PLCG2: variants seen among roughly 807,000 people sequenced by gnomAD.
PLCG2 encodes 1-phosphatidylinositol 4,5-bisphosphate phosphodiesterase gamma-2.
In PLCG2, 69 loss-of-function variants were observed where a neutral mutation model predicts 175.6. The ratio of observed to expected loss-of-function variants is 0.39; its 90% CI spans 0.32 to 0.48. The LOEUF is 0.48. Among genes scored for constraint, PLCG2 ranks in the 20% least tolerant of loss-of-function variants. The pLI, the probability that PLCG2 is intolerant of heterozygous loss-of-function variation, is 0.91. For synonymous variants in PLCG2, 827 were observed against 624.0 expected (o/e 1.33, Z -4.85); for missense variants, 1,798 against 1,650.9 (o/e 1.09, Z -1.54).
At chr16:81,877,541 C>T (rs1907859431) in intron 7 of PLCG2, among the ~76,000 whole-genome samples, 1 of 152,260 alleles carries the variant, frequency 6.6e-6, no homozygotes, top group Non-Finnish European at 1.5e-5. Context: ...GGCAGGGCCA[C>T]ACCCCTCGGA....
At chr16:81,793,079 G>C (rs1037925020) in intron 2 of PLCG2, among the ~76,000 whole-genome samples, 4 of 152,174 alleles carry the variant, frequency 2.6e-5, no homozygotes, top group African/African-American at 9.6e-5. Flanking sequence ...AGGCCCCCTG[G>C]TGAGGACCCC....
rs1555513305 is a variant in PLCG2, at chr16:81,860,174, T to TATTATTATTATTATTA, written c.479+1011_479+1012insATTATTATTATTATTA. 7.0e-3 allele frequency among the ~76,000 whole-genome samples: 679 copies of TATTATTATTATTATTA among 96,534 alleles called. 1 individual carries two copies. The highest frequency in any genetic ancestry group is 0.017 in the South Asian group (50 of 3,012). The allele number at this position is 96,534 out of a possible 152,430, so 63.3% of individuals were successfully genotyped here. The stretch of plus-strand genomic sequence containing the variant: ...TTATTATTATTATTATTATTATTAT[T>TATTATTATTATTATTA]TTTTTTTTTTTTTGTAAAGGTGAAG... On this transcript the variant is annotated intron_variant, in intron 5 of 32. Coordinates refer to ENST00000564138, the MANE Select transcript of PLCG2 (RefSeq NM_002661.5).
At chr16:81,919,376 C>A (rs375649834) in intron 19 of PLCG2, 108 bp from the exon 20 acceptor site, 1 of 799,994 alleles carries the variant, frequency 1.3e-6, no homozygotes, top group Non-Finnish European at 2.1e-6. Context: ...TATTTACCCA[C>A]TTCTCTAAGG....
At chr16:81,832,040 C>G (rs143801660) in intron 2 of PLCG2, among the ~76,000 whole-genome samples, 1 of 152,128 alleles carries the variant, frequency 6.6e-6, no homozygotes, top group African/African-American at 2.4e-5. Context: ...CCTGGGCACT[C>G]GGACACAGTT....
At chr16:81,849,068 A>C (rs2143454730) in intron 2 of PLCG2, among the ~76,000 whole-genome samples, 1 of 152,254 alleles carries the variant, frequency 6.6e-6, no homozygotes, top group Non-Finnish European at 1.5e-5. Flanking sequence ...GGGTGGTGCA[A>C]GGGCTGGGAG....
intron 2 of PLCG2, among the ~76,000 whole-genome samples, chr16:81,825,865 A>G (rs1342489232): frequency 1.3e-5 from 2 of 152,202 alleles, no homozygotes; most frequent in African/African-American, 4.8e-5. Context: ...GAAGACAGAG[A>G]CAAGATGACA....
chr16:81,864,633 G>A (rs571758530), intron 5 of PLCG2, among the ~76,000 whole-genome samples: 2 of 152,342 alleles, frequency 1.3e-5, no homozygotes, highest in South Asian at 4.1e-4. Flanking sequence ...AATATGTGAA[G>A]GGTGCGTGGA....
intron 28 of PLCG2, among the ~76,000 whole-genome samples, chr16:81,938,109 C>T (rs1910792755): frequency 6.6e-6 from 1 of 152,160 alleles, no homozygotes; most frequent in Non-Finnish European, 1.5e-5. Flanking sequence ...GAGGGGAAAC[C>T]TCCTCAAACC....
chr16:81,777,262 A>T (rs1057353599), upstream of PLCG2, among the ~76,000 whole-genome samples: 5 of 152,178 alleles, frequency 3.3e-5, no homozygotes. Context: ...CATTCTGATT[A>T]TATGCAATCT....
chr16:81,907,471 G>A (rs527841064), intron 15 of PLCG2, among the ~76,000 whole-genome samples: 2 of 152,168 alleles, frequency 1.3e-5, no homozygotes, highest in African/African-American at 4.8e-5. Context: ...CCAAAAAGAA[G>A]CTCAAATACC....
intron 13 of PLCG2, among the ~76,000 whole-genome samples, chr16:81,899,329 C>T (rs1019987100): frequency 4.7e-5 from 7 of 148,228 alleles, no homozygotes; most frequent in East Asian, 2.0e-4. Context: ...TGTATATATA[C>T]GTATATATGT....
chr16:81,908,190 TCAGGATGC>T (rs1397270531), intron 16 of PLCG2, among the ~76,000 whole-genome samples: 1 of 152,186 alleles, frequency 6.6e-6, no homozygotes, highest in Non-Finnish European at 1.5e-5. Context: ...ACTGCATGTC[TCAGGATGC>T]CAGGAGGCCA....
At chr16:81,882,187 A>G (rs1908116276) in intron 8 of PLCG2, among the ~76,000 whole-genome samples, 1 of 152,174 alleles carries the variant, frequency 6.6e-6, no homozygotes. Context: ...AGCCCCGTGT[A>G]GCAGAATGTA....
intron 2 of PLCG2, among the ~76,000 whole-genome samples, chr16:81,840,071 G>T (rs1597348083): frequency 4.6e-5 from 7 of 152,278 alleles, no homozygotes; most frequent in Admixed American, 3.9e-4. Context: ...AAAACTTAAA[G>T]AATTATTTGA....
At chr16:81,852,890 G>A (rs1170809249) in intron 2 of PLCG2, among the ~76,000 whole-genome samples, 1 of 152,106 alleles carries the variant, frequency 6.6e-6, no homozygotes. Flanking sequence ...TGGGCTGTTG[G>A]CTGAGGGCAT....
intron 11 of PLCG2, among the ~76,000 whole-genome samples, chr16:81,892,061 A>C (rs1436720699): frequency 6.6e-6 from 1 of 152,206 alleles, no homozygotes; most frequent in African/African-American, 2.4e-5. Flanking sequence ...TAACCACAGA[A>C]TAGGACTTGC....
At chr16:81,865,007 G>T (rs927528089) in intron 5 of PLCG2, among the ~76,000 whole-genome samples, 1 of 152,128 alleles carries the variant, frequency 6.6e-6, no homozygotes, top group African/African-American at 2.4e-5. Flanking sequence ...GCAGGTTTGT[G>T]TGCAGGAGGC....
At chr16:81,911,021 T>C (rs1190991173) in intron 18 of PLCG2, among the ~76,000 whole-genome samples, 1 of 152,190 alleles carries the variant, frequency 6.6e-6, no homozygotes, top group Non-Finnish European at 1.5e-5. Context: ...GATATTCTCT[T>C]ACCTTTCAGA....
chr16:81,949,422 T>C (rs1911279294), intron 31 of PLCG2, among the ~76,000 whole-genome samples: 1 of 152,200 alleles, frequency 6.6e-6, no homozygotes, highest in South Asian at 2.1e-4. Flanking sequence ...ATAAGTCTAA[T>C]ATCAGACTTG....
Sources: allele counts gnomAD v4.1 joint callset (sites outside exome capture counted in the v4.1 genomes callset), GRCh38; gene constraint gnomAD v4.1.1; transcripts MANE v1.5; gene names NCBI Gene and HGNC (gene_info 2026-07-23, HGNC 2026-07-21).